COL6A3: variants seen among roughly 807,000 people sequenced by gnomAD.
The protein encoded by COL6A3 is collagen type VI alpha 3 chain, also known as collagen alpha-3(VI) chain.
Under a neutral mutation model 274.1 loss-of-function variants are expected in COL6A3, and 137 were observed. The ratio of observed to expected loss-of-function variants is 0.50; its 90% confidence interval spans 0.44 to 0.58. The LOEUF is 0.58. Ranked by LOEUF, COL6A3 falls within the 20% of genes least tolerant of loss-of-function variation. COL6A3 has a pLI of 0.00. For missense variants in COL6A3, 3,950 were observed against 4,124.9 expected (o/e 0.96, Z 1.16); for synonymous variants, 1,650 against 1,650.6 (o/e 1.00, Z 0.01).
chr2:237,344,936 CT>C lies in COL6A3; in HGVS notation c.7174+4del. On this transcript the variant is annotated splice_donor_region_variant and intron_variant, in intron 35 of 43. Transcript: ENST00000295550. This position sits in a 1 kb window ranked among gnomAD's most constrained non-coding sequence, Gnocchi z 4.8. ...CTTAGGAGAAAGTCACCAAAATCAA[CT>C]TACCGTAACAGCAAGCTAGAAAAGA... 6.2e-7 allele frequency: 1 copy of C among 1,614,108 alleles called. No individual in the cohort carries two copies. Among genetic ancestry groups the C allele is most frequent in the Non-Finnish European group, 8.5e-7 (1 of 1,180,040 alleles).
At position 237,340,985 on chromosome 2, in the gene COL6A3, T is replaced by C; in HGVS notation, c.7931A>G (p.Tyr2644Cys). The C allele has an allele frequency of 6.2e-7, 1 of 1,614,162 alleles. No homozygotes were observed. The highest frequency in any genetic ancestry group is 1.1e-5 in the South Asian group (1 of 91,080). ...GCTCATGTCCAGTTGTCTGACCAGG[T>C]ACGCTATGTACTTCTTCATCTCATT... Reference protein sequence around the residue: ...QFNEMKKYIAYLVRQLDMSPD... With the variant: ...QFNEMKKYIACLVRQLDMSPD... Residue 2644 changes from tyrosine (Y) to cysteine (C), a missense_variant, in exon 38 of 44, where the codon TAC becomes TGC. By Grantham distance (194) the Tyr-to-Cys change is radical (BLOSUM62 -2). Around this residue, in one of 5 missense-constraint regions of COL6A3, gnomAD observed 1,284 missense variants for 1,349.7 expected, o/e 0.95. Coordinates refer to ENST00000295550, the MANE Select transcript of COL6A3 (RefSeq NM_004369.4).
chr2:237,381,570 A>G lies in COL6A3; in HGVS notation c.1313-71T>C, dbSNP rs13415963. ...CACAATCAACAATGACTTTCAACAA[A>G]GCTAACTCCATTTAAAGGACACCCT... On this transcript the variant is annotated intron_variant, in intron 4 of 43. Coordinates refer to ENST00000295550, the MANE Select transcript of COL6A3 (RefSeq NM_004369.4). The G allele has an allele frequency of 1.5e-3, 1,846 of 1,261,898 alleles. 11 individuals are homozygous for G. In the African/African-American group the frequency reaches 0.024, roughly 16 times the overall value. The allele number at this position is 1,261,898 out of a possible 1,614,324, so 78.2% of individuals were successfully genotyped here. A position where few individuals can be genotyped will look rare whatever the true frequency, so the allele number is the denominator to read the frequency against.
intron 1 of COL6A3, among the ~76,000 whole-genome samples, chr2:237,405,236 A>C (rs865969504): frequency 2.6e-5 from 4 of 152,148 alleles, no homozygotes; most frequent in African/African-American, 9.7e-5. Flanking sequence ...TCCTGCCATC[A>C]TGCGGGAAGC....
At chr2:237,383,655 C>T (rs2078069109) in intron 4 of COL6A3, among the ~76,000 whole-genome samples, 1 of 152,104 alleles carries the variant, frequency 6.6e-6, no homozygotes, top group Non-Finnish European at 1.5e-5. Context: ...GACAAATACT[C>T]ATATAACAAT....
chr2:237,337,243 G>A (rs1276581986), intron 39 of COL6A3, among the ~76,000 whole-genome samples: 1 of 152,066 alleles, frequency 6.6e-6, no homozygotes, highest in Non-Finnish European at 1.5e-5. Flanking sequence ...AATATCATAA[G>A]ACTTCAAATA....
chr2:237,362,293 C>T (rs955343731), intron 14 of COL6A3, among the ~76,000 whole-genome samples: 1 of 152,204 alleles, frequency 6.6e-6, no homozygotes, highest in Non-Finnish European at 1.5e-5. Context: ...ATGGTACCAG[C>T]CCAGAAAGAG....
At chr2:237,377,960 G>T (rs945282220) in intron 6 of COL6A3, among the ~76,000 whole-genome samples, 6 of 152,196 alleles carry the variant, frequency 3.9e-5, no homozygotes, top group Admixed American at 2.0e-4. Context: ...CAGGCCCTAT[G>T]GCACCGCAAT....
chr2:237,354,277 C>T (rs2077269024), intron 24 of COL6A3, among the ~76,000 whole-genome samples: 1 of 151,930 alleles, frequency 6.6e-6, no homozygotes, highest in African/African-American at 2.4e-5. Context: ...CTCAGCCTCC[C>T]AGAGTGCTGG....
intron 17 of COL6A3, 84 bp downstream of exon 17, chr2:237,360,004 C>T (rs2077398941): frequency 1.7e-5 from 24 of 1,393,354 alleles, no homozygotes; most frequent in Admixed American, 7.0e-5. Context: ...CCTGGACCAG[C>T]GCCTCCCTCC....
At position 237,344,669 on chromosome 2, in the gene COL6A3, T is replaced by C. The variant is rs2077061366; in HGVS notation, c.7349A>G (p.Tyr2450Cys). The change falls in exon 36 of 44, where the codon TAC becomes TGC. Residue 2450 changes from tyrosine to cysteine, a missense_variant. Physicochemically the swap from Tyr to Cys is radical, Grantham distance 194. This residue lies in a region of COL6A3 where 1,284 missense variants were observed against 1,349.7 expected (regional missense o/e 0.95). Coordinates refer to ENST00000295550, the MANE Select transcript of COL6A3 (RefSeq NM_004369.4). This position sits in a 1 kb window ranked among gnomAD's most constrained non-coding sequence, Gnocchi z 4.8. ...GATCTCCGTGGTCACCTCGTTGTTG[T>C]AGGTGACCACAGCCACCCGGGCCCC... is the stretch of plus-strand genomic sequence containing the variant. The part of the protein sequence containing the change: ...PRGARVAVVT[Y>C]NNEVTTEIRF... The C allele has an allele frequency of 6.2e-7, 1 of 1,612,412 alleles. No individual in the cohort carries two copies. Among genetic ancestry groups the C allele is most frequent in the Non-Finnish European group, 8.5e-7 (1 of 1,178,686 alleles).
intron 3 of COL6A3, among the ~76,000 whole-genome samples, chr2:237,392,292 G>C (rs1401906583): frequency 6.6e-6 from 1 of 152,180 alleles, no homozygotes; most frequent in African/African-American, 2.4e-5. Flanking sequence ...TGCTGATGTT[G>C]GGTCATCTCT....
rs531842710 is a variant in COL6A3, at chr2:237,371,294, T to C, written c.4285+438A>G. ...GTGTGTCCTGGTGGGGTCTGGCTGG[T>C]GGGCATGAAGAACATAAAGGTGCTG... On this transcript the variant is annotated intron_variant, in intron 9 of 43. Coordinates refer to ENST00000295550, the MANE Select transcript of COL6A3 (RefSeq NM_004369.4). The surrounding 1 kb of genome is among the most constrained non-coding windows in gnomAD (Gnocchi z 4.3). Among the ~76,000 whole-genome samples, 14 of 152,232 alleles carry C rather than the reference T, an allele frequency of 9.2e-5. No individual in the cohort carries two copies. The South Asian group carries it at 2.9e-3, about 32-fold the overall frequency.
chr2:237,401,946 A>C (rs1410534977), intron 1 of COL6A3, among the ~76,000 whole-genome samples: 1 of 152,036 alleles, frequency 6.6e-6, no homozygotes, highest in East Asian at 1.9e-4. Flanking sequence ...TAGCCTTCCT[A>C]AGTGCTGGGA....
chr2:237,348,263 G>GC (rs2077135808), intron 30 of COL6A3, 86 bp downstream of exon 30: 1 of 1,180,200 alleles, frequency 8.5e-7, no homozygotes, highest in Admixed American at 1.7e-5. Context: ...CAAGACTAAT[G>GC]CCAAGATATT....
chr2:237,360,433 C>A (rs894947496), intron 16 of COL6A3, among the ~76,000 whole-genome samples: 10 of 152,108 alleles, frequency 6.6e-5, no homozygotes, highest in Non-Finnish European at 4.4e-5. Flanking sequence ...GGGTGGCCCC[C>A]AGCACTGTGT....
intron 36 of COL6A3, chr2:237,342,611 CAA>C (rs58348623): frequency 0.074 from 12,833 of 174,292 alleles, 668 homozygotes; most frequent in Non-Finnish European, 0.11. Flanking sequence ...CCAGTGGGTG[CAA>C]AGAGTCCTGT....
At chr2:237,351,235 G>T in intron 26 of COL6A3, 43 bp from the exon 27 acceptor site, 1 of 1,595,658 alleles carries the variant, frequency 6.3e-7, no homozygotes, top group Non-Finnish European at 8.6e-7. Flanking sequence ...GTGGCCAACC[G>T]TCCAGGCAAA....
chr2:237,368,340 C>T lies in COL6A3; in HGVS notation c.4900+223G>A, dbSNP rs536904362. ...TTATCTCAGTGCAACACTGCAGAAC[C>T]TTTCAATGGGGCTATGATTAGTCTC... On this transcript the variant is annotated intron_variant, in intron 10 of 43. Transcript: ENST00000295550. This position sits in a 1 kb window ranked among gnomAD's most constrained non-coding sequence, Gnocchi z 4.4. Among the ~76,000 whole-genome samples, 2 of 152,316 alleles carry T rather than the reference C, an allele frequency of 1.3e-5. No homozygotes were observed. The highest frequency in any genetic ancestry group is 1.9e-4 in the East Asian group (1 of 5,188).
chr2:237,371,945 C>T lies in COL6A3; in HGVS notation c.4072G>A (p.Glu1358Lys), dbSNP rs762544728. ...SDDEVDDPAVELKQFGVAPFT... is the reference protein window; with the variant it reads ...SDDEVDDPAVKLKQFGVAPFT... ...GGGGCCACGCCAAACTGCTTGAGCT[C>T]CACCGCCGGGTCGTCCACCTCATCG... Residue 1358 changes from glutamate to lysine, a missense_variant, in exon 9 of 44, where the codon GAG becomes AAG. Glu to Lys is a moderately conservative substitution (Grantham distance 56). Coordinates refer to ENST00000295550, the MANE Select transcript of COL6A3 (RefSeq NM_004369.4). This position sits in a 1 kb window ranked among gnomAD's most constrained non-coding sequence, Gnocchi z 4.3. 4 of 1,613,950 alleles carry T rather than the reference C, an allele frequency of 2.5e-6. No homozygotes were observed. In the Admixed American group the frequency reaches 6.7e-5, roughly 27 times the overall value.
Sources: allele counts gnomAD v4.1 joint callset (sites outside exome capture counted in the v4.1 genomes callset), GRCh38; gene constraint gnomAD v4.1.1; regional missense constraint gnomAD v4.1.1; non-coding constraint Gnocchi (gnomAD v3.1); transcripts MANE v1.5; gene names NCBI Gene and HGNC (gene_info 2026-07-23, HGNC 2026-07-21).